Variants in MAPK10 observed in about 807,000 individuals in gnomAD.
MAPK10 encodes JNK3 alpha protein kinase.
In MAPK10, 25 loss-of-function variants were observed where a neutral mutation model predicts 59.3. The ratio of observed to expected loss-of-function variants is 0.42; its 90% CI spans 0.31 to 0.59. MAPK10 has a LOEUF of 0.59. Ranked by LOEUF, MAPK10 falls within the 20% of genes least tolerant of loss-of-function variation. The probability of loss-of-function intolerance (pLI) is 0.15; values close to 1 mark genes in which losing one functional copy is unlikely to be tolerated. For synonymous variants in MAPK10, 190 were observed against 200.5 expected, an observed-to-expected ratio of 0.95 and a Z score of 0.44; for missense variants, 351 against 568.9, an observed-to-expected ratio of 0.62 and a Z score of 3.90.
At chr4:86,107,769 T>A (rs769128410) in intron 4 of MAPK10, 1 of 413,910 alleles carries the variant, frequency 2.4e-6, no homozygotes, top group South Asian at 1.0e-4. Context: ...TCTGTTAATA[T>A]ATGATATTTA....
chr4:86,256,504 A>T (rs1334312464), intron 2 of MAPK10, among the ~76,000 whole-genome samples: 2 of 152,052 alleles, frequency 1.3e-5, no homozygotes, highest in Non-Finnish European at 2.9e-5. Context: ...AAAATTAGAG[A>T]AAAAAAATTT....
chr4:86,418,761 G>T (rs1280561979), intron 1 of MAPK10, among the ~76,000 whole-genome samples: 2 of 152,132 alleles, frequency 1.3e-5, no homozygotes, highest in Admixed American at 6.5e-5. Flanking sequence ...CAAAAATATG[G>T]AACCAGCCTA....
At position 86,012,602 on chromosome 4, in the gene MAPK10, T is replaced by G. The variant is rs1741696835; in HGVS notation, c.*4626A>C. 6.6e-6 allele frequency: 1 copy of G among 152,202 alleles called. No individual in the cohort carries two copies. The highest frequency in any genetic ancestry group is 1.5e-5 in the Non-Finnish European group (1 of 68,030). 9.4% of individuals were successfully genotyped at this position (152,202 alleles called of 1,614,324 possible). A position where few individuals can be genotyped will look rare whatever the true frequency, so the allele number is the denominator to read the frequency against. On this transcript the variant is annotated 3_prime_UTR_variant, in exon 14 of 14. Transcript: ENST00000641462. Reference sequence around the variant, plus strand: ...AAAGAAGCAGAAGTTCTCCCCCGATTCATCCTCTTGTTCCACAGACATTTT... The same window carrying G: ...AAAGAAGCAGAAGTTCTCCCCCGATGCATCCTCTTGTTCCACAGACATTTT...
intron 1 of MAPK10, among the ~76,000 whole-genome samples, chr4:86,398,228 A>G (rs1743227643): frequency 2.4e-5 from 1 of 41,054 alleles, no homozygotes; most frequent in Non-Finnish European, 6.3e-5. Flanking sequence ...CAAACAAACA[A>G]AAAAAAAAAG....
rs1252016967 is a variant in MAPK10 at position 86,053,253 on chromosome 4, C to G, written c.1110+11013G>C. On this transcript the variant is annotated intron_variant, in intron 11 of 13. Coordinates refer to ENST00000641462, the MANE Select transcript of MAPK10 (RefSeq NM_138982.4). The stretch of plus-strand genomic sequence containing the variant: ...ACAATATTACCTCTGCAGAGCATAT[C>G]ATTTTCTTTATTGATAAATGCTCTT... Among the ~76,000 whole-genome samples the G allele has an allele frequency of 5.3e-5, 8 of 152,244 alleles. No individual in the cohort carries two copies. In the East Asian group the frequency reaches 9.7e-4, roughly 18 times the overall value.
intron 2 of MAPK10, among the ~76,000 whole-genome samples, chr4:86,347,705 G>A (rs1729002619): frequency 2.0e-5 from 3 of 152,154 alleles, no homozygotes; most frequent in Admixed American, 1.3e-4. Context: ...GTCATAGACA[G>A]TGCATTCTTG....
chr4:86,511,068 T>C lies in MAPK10; in HGVS notation c.-263+82842A>G, dbSNP rs191243089. 1.2e-3 allele frequency among the ~76,000 whole-genome samples: 178 copies of C among 152,348 alleles called. 1 individual carries two copies. Among genetic ancestry groups the C allele is most frequent in the African/African-American group, 3.9e-3 (163 of 41,586 alleles). On this transcript the variant is annotated intron_variant, in intron 1 of 4. Coordinates refer to the MAPK10 transcript ENST00000502302. ...TTCCAACACAAACAAAAGATGAATG[T>C]TTGAGGTGATGGATATCCCAGGTAC... is the stretch of plus-strand genomic sequence containing the variant.
intron 2 of MAPK10, among the ~76,000 whole-genome samples, chr4:86,209,289 C>A (rs988319790): frequency 7.2e-5 from 11 of 152,016 alleles, no homozygotes; most frequent in African/African-American, 2.7e-4. Flanking sequence ...ATGAAAATGA[C>A]AGTACTGATG....
intron 1 of MAPK10, among the ~76,000 whole-genome samples, chr4:86,484,310 C>T (rs1371076908): frequency 6.6e-6 from 1 of 152,082 alleles, no homozygotes; most frequent in African/African-American, 2.4e-5. Context: ...TGTTATTATC[C>T]TCATTTTGCA....
intron 9 of MAPK10, among the ~76,000 whole-genome samples, chr4:86,084,871 A>C (rs374678430): frequency 4.9e-4 from 75 of 152,318 alleles, no homozygotes; most frequent in African/African-American, 1.8e-3. Context: ...ATAGTAACCA[A>C]ACAGCATGAT....
In MAPK10 at chr4:86,535,541, T is replaced by A. The variant is rs180894509; in HGVS notation, c.-263+58369A>T. On this transcript the variant is annotated intron_variant, in intron 1 of 4. Coordinates refer to the MAPK10 transcript ENST00000502302. ...TCGCTAATTTTTTGTTTGTTTTTTT[T>A]AGAAACAGTGTCTTGCTATGCTGCC... Among the ~76,000 whole-genome samples, 63 of 152,324 alleles carry A rather than the reference T, an allele frequency of 4.1e-4. No homozygotes were observed. In the East Asian group the frequency reaches 9.2e-3, roughly 22 times the overall value.
chr4:86,300,683 A>G (rs1239076396), intron 2 of MAPK10: 1 of 152,146 alleles, frequency 6.6e-6, no homozygotes, highest in Non-Finnish European at 1.5e-5. Context: ...TGTCTCTCTT[A>G]AAAGCAATGG....
chr4:86,079,323 T>A (rs752332527), intron 9 of MAPK10, among the ~76,000 whole-genome samples: 9 of 152,178 alleles, frequency 5.9e-5, no homozygotes, highest in Non-Finnish European at 1.0e-4. Flanking sequence ...TTATAATCTA[T>A]CTTTACTTAC....
intron 11 of MAPK10, among the ~76,000 whole-genome samples, chr4:86,052,090 T>C (rs114396789): frequency 6.6e-6 from 1 of 152,260 alleles, no homozygotes; most frequent in African/African-American, 2.4e-5. Flanking sequence ...ATAATGTTAA[T>C]AGTTTTTTTA....
At chr4:86,474,375 T>C (rs1752898691) in intron 1 of MAPK10, among the ~76,000 whole-genome samples, 1 of 152,180 alleles carries the variant, frequency 6.6e-6, no homozygotes, top group African/African-American at 2.4e-5. Flanking sequence ...TTGAAATTAA[T>C]ACATGGCTTT....
At chr4:86,589,679 T>A (rs1338523859) in intron 1 of MAPK10, among the ~76,000 whole-genome samples, 3 of 141,188 alleles carry the variant, frequency 2.1e-5, no homozygotes, top group Non-Finnish European at 4.6e-5. Context: ...CAAAACTCCG[T>A]CTCAAAAAAA....
chr4:86,208,545 C>T (rs951483554), intron 2 of MAPK10, among the ~76,000 whole-genome samples: 4 of 151,740 alleles, frequency 2.6e-5, no homozygotes, highest in Non-Finnish European at 4.4e-5. Context: ...AACAACACTT[C>T]ATGCTAAAAA....
intron 3 of MAPK10, chr4:86,194,028 G>A (rs572217366): frequency 5.2e-5 from 16 of 310,582 alleles, no homozygotes; most frequent in African/African-American, 3.4e-4. Context: ...GCACTTCCTG[G>A]GTGAGGCGAC....
chr4:86,567,852 T>G (rs1761167508), intron 1 of MAPK10, among the ~76,000 whole-genome samples: 1 of 152,084 alleles, frequency 6.6e-6, no homozygotes, highest in Non-Finnish European at 1.5e-5. Context: ...AAGGAAAAAA[T>G]AGTCAACATC....
Sources: gnomAD v4.1 joint callset for allele counts (sites outside exome capture counted in the v4.1 genomes callset) on GRCh38, gnomAD v4.1.1 for gene constraint, MANE v1.5 for transcripts, NCBI Gene and HGNC (gene_info 2026-07-23, HGNC 2026-07-21) for gene names.